Variants in ARHGAP6 observed in about 807,000 individuals in gnomAD.
ARHGAP6 encodes the protein Rho GTPase activating protein 6.
In ARHGAP6, 16 loss-of-function variants were observed where a neutral mutation model predicts 55.7. The observed-to-expected ratio is 0.29, with a 90% CI of 0.19 to 0.44. The LOEUF (loss-of-function observed/expected upper bound fraction) is 0.44. Ranked by LOEUF, ARHGAP6 falls within the 20% of genes least tolerant of loss-of-function variation. The probability of loss-of-function intolerance (pLI) is 1.00; values close to 1 mark genes in which losing one functional copy is unlikely to be tolerated. For missense variants in ARHGAP6, 698 were observed against 808.9 expected (o/e 0.86, Z 1.66); for synonymous variants, 382 against 360.9 (o/e 1.06, Z -0.66).
chrX:11,264,758 AG>A (rs1949757475), intron 1 of ARHGAP6, among the ~76,000 whole-genome samples: 1 of 112,104 alleles, frequency 8.9e-6, no homozygotes, highest in Non-Finnish European at 1.9e-5. Flanking sequence ...CTCCGGAGAT[AG>A]ATTAGACCTT....
chrX:11,139,042 C>G lies in ARHGAP6; in HGVS notation c.2746G>C (p.Glu916Gln), dbSNP rs201148704. 11 of 1,206,609 alleles carry G rather than the reference C, an allele frequency of 9.1e-6. No homozygotes were observed. Among genetic ancestry groups the G allele is most frequent in the Non-Finnish European group, 1.2e-5 (11 of 893,818 alleles). Residue 916 changes from glutamate to glutamine, a missense_variant, in exon 13 of 13, where the codon GAG (glutamate) becomes CAG (glutamine). Glu to Gln is a conservative substitution (Grantham distance 29). This residue lies in a region of ARHGAP6 where 212 missense variants were observed against 208.7 expected (regional missense o/e 1.02). Coordinates refer to ENST00000337414, the MANE Select transcript of ARHGAP6 (RefSeq NM_013427.3). ...TTCTGCGTGACCTGCTGCTCTCGCTCGGCTGCTTGGCCTCCCTGGTCCGTG... is the reference window on the plus strand; with the variant it reads ...TTCTGCGTGACCTGCTGCTCTCGCTGGGCTGCTTGGCCTCCCTGGTCCGTG... ...TPTDQGGQAA[E>Q]REQQVTQKKL... is the part of the protein sequence containing the mutation.
intron 1 of ARHGAP6, among the ~76,000 whole-genome samples, chrX:11,660,607 C>T (rs778155522): frequency 7.5e-4 from 69 of 92,073 alleles, no homozygotes; most frequent in Middle Eastern, 7.5e-3. Context: ...TGACTTTATT[C>T]GGTCAGGCTT....
chrX:11,233,769 T>C (rs1226747366), intron 2 of ARHGAP6, among the ~76,000 whole-genome samples: 1 of 112,316 alleles, frequency 8.9e-6, no homozygotes, highest in Admixed American at 9.5e-5. Flanking sequence ...GAATAAATTA[T>C]CCAGTAAAAA....
intron 1 of ARHGAP6, among the ~76,000 whole-genome samples, chrX:11,492,015 T>C (rs1039365339): frequency 1.8e-5 from 2 of 109,134 alleles, no homozygotes; most frequent in African/African-American, 6.8e-5. Flanking sequence ...ATGTCTTCTT[T>C]TGAGAAGTGT....
At chrX:11,225,992 C>G (rs181835614) in intron 2 of ARHGAP6, among the ~76,000 whole-genome samples, 119 of 108,814 alleles carry the variant, frequency 1.1e-3, no homozygotes, top group African/African-American at 3.6e-3. Context: ...CAGTTGGCCC[C>G]GAGAGTTTCT....
chrX:11,174,676 TTTCTTTCTTTCA>T (rs1164755144), intron 8 of ARHGAP6, among the ~76,000 whole-genome samples: 23 of 76,287 alleles, frequency 3.0e-4, no homozygotes, highest in South Asian at 2.8e-3. Context: ...TCTTTCTTTC[TTTCTTTCTTTCA>T]TTCATTTATT....
chrX:11,188,349 A>C (rs1444533631), intron 4 of ARHGAP6, among the ~76,000 whole-genome samples: 1 of 112,421 alleles, frequency 8.9e-6, no homozygotes, highest in African/African-American at 3.2e-5. Flanking sequence ...GCATGTTCTC[A>C]GACTGGTGAT....
intron 3 of ARHGAP6, among the ~76,000 whole-genome samples, chrX:11,193,655 C>G (rs2046492709): frequency 8.9e-6 from 1 of 112,531 alleles, no homozygotes; most frequent in Non-Finnish European, 1.9e-5. Context: ...TTGGAACCAC[C>G]AGGATCTGCC....
At chrX:11,630,744 A>G (rs957283099) in intron 1 of ARHGAP6, among the ~76,000 whole-genome samples, 2 of 111,978 alleles carry the variant, frequency 1.8e-5, no homozygotes, top group Non-Finnish European at 3.8e-5. Context: ...TTTCTGACCA[A>G]TGTTAACGAC....
intron 1 of ARHGAP6, among the ~76,000 whole-genome samples, chrX:11,648,824 G>A (rs939254461): frequency 1.8e-5 from 2 of 111,862 alleles, no homozygotes; most frequent in African/African-American, 3.2e-5. Context: ...TACTTCCCAT[G>A]AGCCTGTGCT....
chrX:11,197,649 C>A (rs2046558589), intron 2 of ARHGAP6, among the ~76,000 whole-genome samples: 1 of 112,175 alleles, frequency 8.9e-6, no homozygotes, highest in South Asian at 3.7e-4. Flanking sequence ...TTTAGTTAAC[C>A]ATTCCTCCAT....
At chrX:11,198,138 C>T (rs2046567302) in intron 2 of ARHGAP6, among the ~76,000 whole-genome samples, 1 of 111,325 alleles carries the variant, frequency 9.0e-6, no homozygotes, top group African/African-American at 3.3e-5. Flanking sequence ...TACAGATGTC[C>T]CCCACTCCTC....
intron 2 of ARHGAP6, among the ~76,000 whole-genome samples, chrX:11,235,471 T>C (rs1171618541): frequency 9.0e-6 from 1 of 111,276 alleles, no homozygotes; most frequent in Non-Finnish European, 1.9e-5. Flanking sequence ...CTGGAGACAT[T>C]TTCCCCATTG....
intron 1 of ARHGAP6, among the ~76,000 whole-genome samples, chrX:11,642,045 G>A (rs779393005): frequency 3.6e-5 from 4 of 111,595 alleles, no homozygotes; most frequent in East Asian, 2.8e-4. Context: ...CCATAAGTAC[G>A]GATCCATTTT....
chrX:11,535,117 T>TA (rs1024099857), intron 1 of ARHGAP6, among the ~76,000 whole-genome samples: 3 of 111,763 alleles, frequency 2.7e-5, no homozygotes, highest in African/African-American at 9.8e-5. Context: ...CTGGTAGGAA[T>TA]AAATTATCAA....
chrX:11,600,586 A>G (rs2051956957), intron 1 of ARHGAP6, among the ~76,000 whole-genome samples: 1 of 111,972 alleles, frequency 8.9e-6, no homozygotes, highest in Non-Finnish European at 1.9e-5. Flanking sequence ...AAGTGGAAAT[A>G]CCAGAAAGTT....
At chrX:11,275,830 C>T (rs770667226) in intron 1 of ARHGAP6, among the ~76,000 whole-genome samples, 1 of 111,459 alleles carries the variant, frequency 9.0e-6, no homozygotes, top group African/African-American at 3.3e-5. Context: ...AATGGCTTCC[C>T]CATGCCTTCC....
chrX:11,355,313 T>A (rs1422324942), intron 1 of ARHGAP6, among the ~76,000 whole-genome samples: 1 of 112,399 alleles, frequency 8.9e-6, no homozygotes, highest in African/African-American at 3.2e-5. Context: ...CATTGAGGCA[T>A]CCAGCAAGTT....
chrX:11,566,804 T>C (rs754940085), intron 1 of ARHGAP6, among the ~76,000 whole-genome samples: 2 of 112,546 alleles, frequency 1.8e-5, no homozygotes, highest in South Asian at 7.3e-4. Context: ...TTGCAAAGCA[T>C]AACAAAAGCC....
Sources: allele counts gnomAD v4.1 joint callset (sites outside exome capture counted in the v4.1 genomes callset), GRCh38; gene constraint gnomAD v4.1.1; regional missense constraint gnomAD v4.1.1; transcripts MANE v1.5; gene names NCBI Gene and HGNC (gene_info 2026-07-23, HGNC 2026-07-21).